The following IPO8 variants were observed in gnomAD, a reference collection of about 807,000 sequenced individuals.
IPO8 encodes the protein importin-8.
IPO8 carries 65 observed loss-of-function variants against 141.2 expected under a neutral mutation model. The observed-to-expected ratio is 0.46, with a 90% confidence interval of 0.38 to 0.57. IPO8 has a LOEUF of 0.57. Ranked by LOEUF, IPO8 falls within the 20% of genes least tolerant of loss-of-function variation. IPO8 has a pLI of 0.00. For missense variants in IPO8, 980 were observed against 1,246.8 expected, an observed-to-expected ratio of 0.79 and a Z score of 3.22; for synonymous variants, 411 against 420.3, an observed-to-expected ratio of 0.98 and a Z score of 0.27.
intron 5 of IPO8, chr12:30,677,087 A>T (rs1040620413): frequency 2.0e-6 from 3 of 1,515,224 alleles, no homozygotes; most frequent in Non-Finnish European, 2.6e-6. Context: ...TATTGCCTCC[A>T]CATCCATTCA....
chr12:30,682,296 T>C (rs1379571156), intron 3 of IPO8, among the ~76,000 whole-genome samples: 1 of 152,110 alleles, frequency 6.6e-6, no homozygotes, highest in African/African-American at 2.4e-5. Flanking sequence ...CTTGAACTCA[T>C]CCATTATCAA....
Position 30,695,677 on chromosome 12 carries a change from G to C in IPO8, c.-30C>G. 6.3e-7 allele frequency: 1 copy of C among 1,597,472 alleles called. No homozygotes were observed. The highest frequency in any genetic ancestry group is 1.1e-5 in the South Asian group (1 of 90,722). On this transcript the variant is annotated 5_prime_UTR_variant, in exon 1 of 25. Transcript: ENST00000256079. The surrounding 1 kb of genome is among the most constrained non-coding windows in gnomAD (Gnocchi z 4.2). ...CCGGGTGGGGGCTCCGCGGCCCCCG[G>C]AACAGTAGGCCGGACTGCAGCTTTA...
Position 30,671,099 on chromosome 12 carries a change from A to G in IPO8, c.910-3T>C, listed in dbSNP as rs970898446. The G allele has an allele frequency of 1.3e-6, 2 of 1,570,426 alleles. No homozygotes were observed. Among genetic ancestry groups the G allele is most frequent in the Non-Finnish European group, 1.8e-6 (2 of 1,141,654 alleles). ...TGATCTAAAATTTTTAGTAGCACCT[A>G]TAAGAAAACAGAAAATACAGACTAA... On this transcript the variant is annotated splice_region_variant and splice_polypyrimidine_tract_variant and intron_variant, in intron 8 of 24. Transcript: ENST00000256079.
chr12:30,680,124 C>T (rs941582918), intron 5 of IPO8, among the ~76,000 whole-genome samples: 2 of 152,072 alleles, frequency 1.3e-5, no homozygotes, highest in Non-Finnish European at 2.9e-5. Flanking sequence ...TTTCCTTCTT[C>T]TTTTCCTTCT....
chr12:30,637,320 C>T (rs1409799330), intron 21 of IPO8, 133 bp from the exon 22 acceptor site: 2 of 674,490 alleles, frequency 3.0e-6, no homozygotes, highest in Non-Finnish European at 2.5e-6. Context: ...GAGACATTCC[C>T]TGTTTTGTAC....
At chr12:30,675,947 TATCA>T (rs1435189200) in intron 6 of IPO8, among the ~76,000 whole-genome samples, 1 of 152,128 alleles carries the variant, frequency 6.6e-6, no homozygotes, top group Non-Finnish European at 1.5e-5. Flanking sequence ...TTCAAAATAT[TATCA>T]ATACGTTTTT....
intron 1 of IPO8, among the ~76,000 whole-genome samples, chr12:30,692,563 G>A (rs2053300915): frequency 6.6e-6 from 1 of 152,192 alleles, no homozygotes; most frequent in Non-Finnish European, 1.5e-5. Flanking sequence ...TATCTGTGAA[G>A]TTTTCTGCAA....
At chr12:30,677,012 A>C (rs2053130070) in intron 5 of IPO8, 1 of 1,529,526 alleles carries the variant, frequency 6.5e-7, no homozygotes, top group Non-Finnish European at 8.8e-7. Context: ...TAATAACTAC[A>C]GTCCACTTTG....
chr12:30,688,413 G>C (rs1463080348), intron 2 of IPO8: 1 of 440,854 alleles, frequency 2.3e-6, no homozygotes, highest in South Asian at 1.6e-5. Context: ...ACAAGCAAAA[G>C]AGAAAAAGTA....
Position 30,674,091 on chromosome 12 carries a change from A to G in IPO8, c.825-17T>C. The stretch of plus-strand genomic sequence containing the variant: ...CTTCCATATCTTAAAATACAAAGAG[A>G]AAATGTACAAATACCGTGAATTTTA... On this transcript the variant is annotated splice_polypyrimidine_tract_variant and intron_variant, in intron 7 of 24. Coordinates refer to ENST00000256079, the MANE Select transcript of IPO8 (RefSeq NM_006390.4). 6.9e-7 allele frequency: 1 copy of G among 1,446,944 alleles called. No individual in the cohort carries two copies. The highest frequency in any genetic ancestry group is 9.7e-7 in the Non-Finnish European group (1 of 1,036,104). The allele number at this position is 1,446,944 out of a possible 1,614,324, so 89.6% of individuals were successfully genotyped here.
chr12:30,667,934 G>A (rs542416067), intron 10 of IPO8, among the ~76,000 whole-genome samples: 3 of 152,170 alleles, frequency 2.0e-5, no homozygotes, highest in East Asian at 1.9e-4. Flanking sequence ...CCAGGAGTTC[G>A]AAACCAGCCT....
At chr12:30,631,089 T>C in intron 24 of IPO8, 132 bp from the exon 25 acceptor site, 1 of 634,828 alleles carries the variant, frequency 1.6e-6, no homozygotes, top group East Asian at 2.7e-5. Context: ...GTAGTATTAG[T>C]TATCCTGCCA....
At chr12:30,655,464 T>TA (rs1421683644) in intron 17 of IPO8, among the ~76,000 whole-genome samples, 1 of 152,240 alleles carries the variant, frequency 6.6e-6, no homozygotes, top group Non-Finnish European at 1.5e-5. Context: ...TGACACCACT[T>TA]AAAATCTACT....
intron 19 of IPO8, 147 bp downstream of exon 19, chr12:30,652,045 C>G: frequency 2.0e-6 from 1 of 508,318 alleles, no homozygotes; most frequent in Non-Finnish European, 3.4e-6. Context: ...TCCCAAAGAT[C>G]CTTTTGAAAA....
At chr12:30,644,652 TG>T (rs1352108863) in intron 20 of IPO8, among the ~76,000 whole-genome samples, 3 of 139,832 alleles carry the variant, frequency 2.1e-5, no homozygotes, top group African/African-American at 7.6e-5. Flanking sequence ...TTTTTTTTTT[TG>T]TTTTTTTTTT....
chr12:30,669,850 G>A (rs1433663018), intron 9 of IPO8, among the ~76,000 whole-genome samples: 2 of 152,034 alleles, frequency 1.3e-5, no homozygotes, highest in Admixed American at 6.6e-5. Flanking sequence ...TTAGAGAAAA[G>A]TCCTATCTAC....
intron 23 of IPO8, among the ~76,000 whole-genome samples, 176 bp downstream of exon 23, chr12:30,633,907 T>C (rs1466240524): frequency 6.6e-6 from 1 of 152,222 alleles, no homozygotes; most frequent in East Asian, 1.9e-4. Flanking sequence ...AGGTGTTTCA[T>C]TATTTTAATT....
chr12:30,684,834 T>A (rs11051024), intron 2 of IPO8, among the ~76,000 whole-genome samples: 1,549 of 152,312 alleles, frequency 0.01, 33 homozygotes, highest in East Asian at 0.083. Flanking sequence ...TTGTTTTTTG[T>A]TTTCCCACTG....
At chr12:30,681,441 T>C (rs1044724318) in intron 4 of IPO8, among the ~76,000 whole-genome samples, 2 of 152,226 alleles carry the variant, frequency 1.3e-5, no homozygotes, top group Non-Finnish European at 2.9e-5. Context: ...AAGTGCTTCA[T>C]ATTATATCAC....
Sources: gnomAD v4.1 joint callset for allele counts (sites outside exome capture counted in the v4.1 genomes callset) on GRCh38, gnomAD v4.1.1 for gene constraint, Gnocchi (gnomAD v3.1) non-coding constraint, MANE v1.5 for transcripts, NCBI Gene and HGNC (gene_info 2026-07-23, HGNC 2026-07-21) for gene names.